Variants in PRUNE2 observed in about 807,000 individuals in gnomAD.
PRUNE2 encodes the protein prune homolog 2 with BCH domain, also known as protein prune homolog 2.
In PRUNE2, 164 loss-of-function variants were observed where a neutral mutation model predicts 252.0. That is an observed-to-expected ratio of 0.65 (90% CI 0.57 to 0.74). The LOEUF is 0.74. Ranked by LOEUF, PRUNE2 falls within the 30% of genes least tolerant of loss-of-function variation. The probability of loss-of-function intolerance (pLI) is 0.00; values close to 1 mark genes in which losing one functional copy is unlikely to be tolerated. For missense variants in PRUNE2, 3,495 were observed against 3,711.0 expected (o/e 0.94, Z 1.51); for synonymous variants, 1,292 against 1,350.2 (o/e 0.96, Z 0.94).
At chr9:76,843,106 G>A (rs576744558) in intron 4 of PRUNE2, among the ~76,000 whole-genome samples, 16 of 152,282 alleles carry the variant, frequency 1.1e-4, no homozygotes, top group African/African-American at 3.9e-4. Context: ...TAAAGAAAAT[G>A]TGGCACATAT....
chr9:76,895,496 C>T (rs1021744751), intron 1 of PRUNE2, among the ~76,000 whole-genome samples: 2 of 152,192 alleles, frequency 1.3e-5, no homozygotes, highest in Non-Finnish European at 1.5e-5. Context: ...ACAACCGAAG[C>T]CTACCCTGCA....
At chr9:76,815,260 A>G (rs1339075864) in intron 6 of PRUNE2, among the ~76,000 whole-genome samples, 1 of 152,244 alleles carries the variant, frequency 6.6e-6, no homozygotes, top group African/African-American at 2.4e-5. Context: ...GTGTAACTTC[A>G]TGATGGCTAA....
intron 9 of PRUNE2, among the ~76,000 whole-genome samples, chr9:76,664,218 A>C (rs941268231): frequency 6.6e-6 from 1 of 152,204 alleles, no homozygotes; most frequent in Non-Finnish European, 1.5e-5. Context: ...TGGGTCTCTC[A>C]GTCTGGGAGA....
intron 9 of PRUNE2, among the ~76,000 whole-genome samples, chr9:76,676,299 C>A (rs2042574431): frequency 6.9e-6 from 1 of 145,868 alleles, no homozygotes; most frequent in Non-Finnish European, 1.5e-5. Context: ...AATGTAAGTG[C>A]TAATCTAAAT....
At chr9:76,667,489 T>A (rs770035929) in intron 9 of PRUNE2, among the ~76,000 whole-genome samples, 10 of 152,150 alleles carry the variant, frequency 6.6e-5, no homozygotes, top group Non-Finnish European at 1.3e-4. Flanking sequence ...GAAGACTGCC[T>A]GCCTGCCCCA....
chr9:76,887,533 T>C (rs924440208), intron 1 of PRUNE2, among the ~76,000 whole-genome samples: 1 of 152,228 alleles, frequency 6.6e-6, no homozygotes, highest in Admixed American at 6.5e-5. Flanking sequence ...TTTCAGTGCC[T>C]GCCCATGGGC....
chr9:76,720,271 G>T (rs992897320), intron 6 of PRUNE2, among the ~76,000 whole-genome samples: 2 of 147,656 alleles, frequency 1.4e-5, no homozygotes, highest in Non-Finnish European at 3.0e-5. Context: ...ATATACAATG[G>T]ACATTAAGAT....
Position 76,705,663 on chromosome 9 carries a change from T to C in PRUNE2, c.6611A>G (p.Gln2204Arg). ...TGGGCTGGCTCCTTTTTCTGATACTTGTAAACCTGTACTGTTGTCACCGTT... is the reference window on the plus strand; with the variant it reads ...TGGGCTGGCTCCTTTTTCTGATACTCGTAAACCTGTACTGTTGTCACCGTT... ...EINGDNSTGLQVSEKGASPDM... is the reference protein window; with the variant it reads ...EINGDNSTGLRVSEKGASPDM... Residue 2204 changes from glutamine (Q) to arginine (R), a missense_variant, in exon 8 of 19, where the codon CAA (glutamine) becomes CGA (arginine). Coordinates refer to ENST00000376718, the MANE Select transcript of PRUNE2 (RefSeq NM_015225.3). 6.2e-7 allele frequency: 1 copy of C among 1,614,050 alleles called. No individual in the cohort carries two copies. Among genetic ancestry groups the C allele is most frequent in the South Asian group, 1.1e-5 (1 of 91,088 alleles).
chr9:76,780,681 ACT>A (rs929854207), intron 6 of PRUNE2, among the ~76,000 whole-genome samples: 5 of 152,174 alleles, frequency 3.3e-5, no homozygotes, highest in African/African-American at 1.2e-4. Flanking sequence ...ACAGAGCAAG[ACT>A]CCGTCTCAAA....
intron 9 of PRUNE2, among the ~76,000 whole-genome samples, chr9:76,683,508 G>A (rs746254573): frequency 6.6e-6 from 1 of 152,160 alleles, no homozygotes; most frequent in Non-Finnish European, 1.5e-5. Flanking sequence ...AGGGTAAGTT[G>A]AGTTTTTGTC....
intron 16 of PRUNE2, among the ~76,000 whole-genome samples, chr9:76,627,166 T>A (rs1338429816): frequency 6.6e-6 from 1 of 151,970 alleles, no homozygotes; most frequent in Non-Finnish European, 1.5e-5. Context: ...AGTGGTGCGA[T>A]CTCGGCTCAC....
At chr9:76,899,604 AC>A (rs539008337) in intron 1 of PRUNE2, among the ~76,000 whole-genome samples, 89 of 152,270 alleles carry the variant, frequency 5.8e-4, no homozygotes, top group Non-Finnish European at 1.0e-3. Flanking sequence ...TTCTAAAACC[AC>A]TCTTTGAGCA....
intron 6 of PRUNE2, among the ~76,000 whole-genome samples, chr9:76,797,712 G>A (rs1458596941): frequency 6.8e-6 from 1 of 146,006 alleles, no homozygotes; most frequent in Non-Finnish European, 1.5e-5. Flanking sequence ...AGGATCACAA[G>A]GGGCCTAGCC....
rs1827694288 is a variant in PRUNE2, at chr9:76,612,342, T to C, written c.*2228A>G. 6.6e-6 allele frequency: 1 copy of C among 152,162 alleles called. No homozygotes were observed. Among genetic ancestry groups the C allele is most frequent in the Non-Finnish European group, 1.5e-5 (1 of 68,032 alleles). 9.4% of individuals were successfully genotyped at this position (152,162 alleles called of 1,614,324 possible). ...GAGATTGTTGCTGTGTCTGTTTGGC[T>C]ATAACAAGAGCCCTCTATGAACAGC... On this transcript the variant is annotated 3_prime_UTR_variant, in exon 19 of 19. Transcript: ENST00000376718.
intron 1 of PRUNE2, among the ~76,000 whole-genome samples, chr9:76,903,568 A>T (rs758423840): frequency 1.7e-4 from 26 of 152,150 alleles, no homozygotes; most frequent in African/African-American, 2.9e-4. Flanking sequence ...CTGAATTTTT[A>T]AAAATCTTAC....
chr9:76,795,466 A>C (rs546798861), intron 6 of PRUNE2, among the ~76,000 whole-genome samples: 1 of 152,240 alleles, frequency 6.6e-6, no homozygotes, highest in East Asian at 1.9e-4. Context: ...TGGATCTTGA[A>C]ACAGCCCCAG....
intron 10 of PRUNE2, among the ~76,000 whole-genome samples, chr9:76,653,834 T>C (rs1015660491): frequency 4.6e-5 from 7 of 152,160 alleles, no homozygotes; most frequent in Admixed American, 4.6e-4. Context: ...GACAATCTTA[T>C]GTGTAGGCTC....
At chr9:76,702,473 T>G (rs1198376164) in intron 9 of PRUNE2, among the ~76,000 whole-genome samples, 1 of 152,136 alleles carries the variant, frequency 6.6e-6, no homozygotes, top group East Asian at 1.9e-4. Context: ...TAAACACAAA[T>G]GAAGAGAAAT....
At chr9:76,892,652 G>A (rs888334076) in intron 1 of PRUNE2, among the ~76,000 whole-genome samples, 7 of 152,138 alleles carry the variant, frequency 4.6e-5, no homozygotes, top group Non-Finnish European at 4.4e-5. Context: ...AAAAATTGGG[G>A]TTGCAAGATA....
Sources: gnomAD v4.1 joint callset for allele counts (sites outside exome capture counted in the v4.1 genomes callset) on GRCh38, gnomAD v4.1.1 for gene constraint, MANE v1.5 for transcripts, NCBI Gene and HGNC (gene_info 2026-07-23, HGNC 2026-07-21) for gene names.